Variants in ERBB4 observed in about 807,000 individuals in gnomAD.
ERBB4 encodes erb-b2 receptor tyrosine kinase 4.
ERBB4 carries 42 observed loss-of-function variants against 158.0 expected under a neutral mutation model. That is an observed-to-expected ratio of 0.27 (90% confidence interval 0.21 to 0.34). The LOEUF is 0.34. Ranked by LOEUF, ERBB4 falls within the 10% of genes least tolerant of loss-of-function variation. The pLI is 1.00. For missense variants in ERBB4, 1,333 were observed against 1,624.1 expected, an observed-to-expected ratio of 0.82 and a Z score of 3.08; for synonymous variants, 583 against 558.7, an observed-to-expected ratio of 1.04 and a Z score of -0.61.
intron 1 of ERBB4, among the ~76,000 whole-genome samples, chr2:212,129,528 T>A (rs2080045304): frequency 6.6e-6 from 1 of 151,786 alleles, no homozygotes; most frequent in Admixed American, 6.6e-5. Context: ...ATACTTAGGA[T>A]TTTGTTTAAA....
chr2:211,957,927 A>G (rs888954088), intron 2 of ERBB4, among the ~76,000 whole-genome samples: 2 of 152,148 alleles, frequency 1.3e-5, no homozygotes, highest in Non-Finnish European at 2.9e-5. Context: ...ATGGGCCTCT[A>G]TGAAATTATG....
At chr2:211,816,792 C>A (rs1334469518) in intron 3 of ERBB4, among the ~76,000 whole-genome samples, 1 of 152,016 alleles carries the variant, frequency 6.6e-6, no homozygotes, top group East Asian at 1.9e-4. Context: ...AAAAGTGAAT[C>A]AATAAGAAAA....
intron 1 of ERBB4, among the ~76,000 whole-genome samples, chr2:212,357,367 T>C (rs2089501926): frequency 6.6e-6 from 1 of 151,884 alleles, no homozygotes; most frequent in African/African-American, 2.4e-5. Flanking sequence ...CATCTGTCCA[T>C]CTGTGAAGCA....
At chr2:211,894,496 G>T (rs1273313097) in intron 3 of ERBB4, among the ~76,000 whole-genome samples, 2 of 150,712 alleles carry the variant, frequency 1.3e-5, no homozygotes, top group African/African-American at 4.9e-5. Flanking sequence ...CACCAGCATG[G>T]CACATGTATA....
intron 3 of ERBB4, among the ~76,000 whole-genome samples, chr2:211,893,351 A>G (rs1435536697): frequency 3.5e-5 from 5 of 144,090 alleles, no homozygotes; most frequent in Admixed American, 1.4e-4. Flanking sequence ...AAAACTGGCT[A>G]GCCATATGTA....
At chr2:211,393,743 G>A (rs1408111500) in intron 25 of ERBB4, among the ~76,000 whole-genome samples, 2,283 of 17,996 alleles carry the variant, frequency 0.13, 40 homozygotes, top group African/African-American at 0.32. Context: ...TTAATAGCGT[G>A]TGTGTGTGTG....
At chr2:211,503,619 G>C (rs971739278) in intron 20 of ERBB4, among the ~76,000 whole-genome samples, 1 of 152,110 alleles carries the variant, frequency 6.6e-6, no homozygotes, top group African/African-American at 2.4e-5. Flanking sequence ...ATAGCGCCTT[G>C]GGCACAGGTG....
intron 5 of ERBB4, among the ~76,000 whole-genome samples, chr2:211,749,465 A>G (rs1466641256): frequency 6.6e-6 from 1 of 152,134 alleles, no homozygotes; most frequent in Non-Finnish European, 1.5e-5. Context: ...CAAAATAGCC[A>G]ATAATATTTG....
intron 4 of ERBB4, among the ~76,000 whole-genome samples, chr2:211,761,392 G>A (rs1358666337): frequency 1.3e-5 from 2 of 152,032 alleles, no homozygotes; most frequent in Admixed American, 6.6e-5. Flanking sequence ...AATATATGCT[G>A]TTATCTGTCC....
intron 17 of ERBB4, among the ~76,000 whole-genome samples, chr2:211,626,861 C>T (rs1271837006): frequency 6.6e-6 from 1 of 151,554 alleles, no homozygotes; most frequent in African/African-American, 2.4e-5. Context: ...GGAGGCGGAG[C>T]TTGCAGTGAG....
At chr2:211,468,197 C>A (rs1216314415) in intron 20 of ERBB4, among the ~76,000 whole-genome samples, 1 of 152,016 alleles carries the variant, frequency 6.6e-6, no homozygotes, top group Non-Finnish European at 1.5e-5. Flanking sequence ...ATAAAGAGAG[C>A]AAAGGTCTAG....
chr2:212,098,573 G>A (rs978604577), intron 2 of ERBB4, among the ~76,000 whole-genome samples: 1 of 152,104 alleles, frequency 6.6e-6, no homozygotes, highest in South Asian at 2.1e-4. Context: ...GAAATGGCTT[G>A]TTTGTATTAA....
chr2:212,423,308 T>C (rs935097761), intron 1 of ERBB4, among the ~76,000 whole-genome samples: 1 of 152,186 alleles, frequency 6.6e-6, no homozygotes, highest in African/African-American at 2.4e-5. Context: ...AGCCACTATC[T>C]TTCTAAAAAG....
chr2:211,569,923 A>G (rs1301342779), intron 19 of ERBB4, among the ~76,000 whole-genome samples: 5 of 152,146 alleles, frequency 3.3e-5, no homozygotes, highest in African/African-American at 1.2e-4. Context: ...GATCTCCAAT[A>G]TTAACTATTA....
At chr2:212,227,102 C>G (rs1286676515) in intron 1 of ERBB4, among the ~76,000 whole-genome samples, 4 of 151,892 alleles carry the variant, frequency 2.6e-5, no homozygotes, top group African/African-American at 7.3e-5. Flanking sequence ...AAAAATTAGC[C>G]AGGTTTGGTG....
intron 20 of ERBB4, among the ~76,000 whole-genome samples, chr2:211,549,575 G>C (rs1232569641): frequency 3.3e-5 from 5 of 152,112 alleles, no homozygotes; most frequent in African/African-American, 1.2e-4. Flanking sequence ...ATGTGGCAAA[G>C]AGCCTCATCA....
At chr2:211,954,134 C>A (rs1398336657) in intron 2 of ERBB4, among the ~76,000 whole-genome samples, 1 of 151,938 alleles carries the variant, frequency 6.6e-6, no homozygotes, top group East Asian at 1.9e-4. Flanking sequence ...ATCCCTAATT[C>A]TTTTCTTCTT....
At chr2:211,750,402 T>G (rs1189634529) in intron 5 of ERBB4, among the ~76,000 whole-genome samples, 4 of 152,232 alleles carry the variant, frequency 2.6e-5, no homozygotes, top group African/African-American at 9.6e-5. Context: ...AATATCACCA[T>G]AGCTGTGCTG....
At chr2:212,326,273 T>C (rs2106279639) in intron 1 of ERBB4, among the ~76,000 whole-genome samples, 1 of 150,984 alleles carries the variant, frequency 6.6e-6, no homozygotes, top group African/African-American at 2.4e-5. Flanking sequence ...TCCTATATTA[T>C]TTATATTCGT....
Sources: allele counts gnomAD v4.1 joint callset (sites outside exome capture counted in the v4.1 genomes callset), GRCh38; gene constraint gnomAD v4.1.1; transcripts MANE v1.5; gene names NCBI Gene and HGNC (gene_info 2026-07-23, HGNC 2026-07-21).